SLC9D1: variants seen among roughly 807,000 people sequenced by gnomAD.
SLC9D1 encodes the protein solute carrier family 9 member D1, also known as putative LAG1-interacting protein.
the SLC9D1 span, among the ~76,000 whole-genome samples, chr13:113,506,818 A>G: frequency 6.6e-5 from 10 of 152,166 alleles, no homozygotes; most frequent in African/African-American, 2.2e-4. Flanking sequence ...AATGTTGTAT[A>G]ACGTAAGGTG....
At chr13:113,494,610 G>A in the SLC9D1 span, among the ~76,000 whole-genome samples, 2 of 152,088 alleles carry the variant, frequency 1.3e-5, no homozygotes, top group African/African-American at 4.8e-5. Context: ...GAAGGAGACT[G>A]AATTGGGATG....
the SLC9D1 span, among the ~76,000 whole-genome samples, chr13:113,519,238 G>C: frequency 6.6e-6 from 1 of 151,600 alleles, no homozygotes; most frequent in Non-Finnish European, 1.5e-5. Context: ...AACAGATGGG[G>C]TTTCACCATG....
the SLC9D1 span, among the ~76,000 whole-genome samples, chr13:113,519,347 CTT>C: frequency 8.1e-5 from 11 of 135,978 alleles, no homozygotes; most frequent in Middle Eastern, 3.8e-3. Context: ...CGCCCAGCCG[CTT>C]TTTTTTTTTT....
chr13:113,545,304 C>T, the SLC9D1 span, among the ~76,000 whole-genome samples: 1 of 127,404 alleles, frequency 7.8e-6, no homozygotes, highest in Admixed American at 8.4e-5. Context: ...CGAGCTGGGT[C>T]CACAGTGAAT....
At chr13:113,534,448 A>C in the SLC9D1 span, 1 of 561,970 alleles carries the variant, frequency 1.8e-6, no homozygotes, top group Non-Finnish European at 3.1e-6. Flanking sequence ...TTTGACTCAT[A>C]CTCTTAAGCA....
chr13:113,503,686 A>G, the SLC9D1 span: 4 of 715,150 alleles, frequency 5.6e-6, no homozygotes, highest in East Asian at 2.5e-5. Context: ...TTCACTATCA[A>G]ATGTTTTTAG....
At chr13:113,498,540 C>T in the SLC9D1 span, 2 of 1,555,970 alleles carry the variant, frequency 1.3e-6, no homozygotes, top group South Asian at 1.3e-5. Flanking sequence ...TCCAGAACAG[C>T]TGCTTCTTCA....
the SLC9D1 span, among the ~76,000 whole-genome samples, chr13:113,513,001 C>A: frequency 6.6e-6 from 1 of 152,108 alleles, no homozygotes; most frequent in Non-Finnish European, 1.5e-5. Flanking sequence ...GTTTTCAGAA[C>A]TCGAGACAGG....
chr13:113,540,392 A>G, the SLC9D1 span, among the ~76,000 whole-genome samples: 2 of 152,216 alleles, frequency 1.3e-5, no homozygotes, highest in Non-Finnish European at 2.9e-5. Flanking sequence ...CAACCTCGCC[A>G]GCGTCTGTTG....
At chr13:113,518,028 T>C in the SLC9D1 span, among the ~76,000 whole-genome samples, 2 of 152,260 alleles carry the variant, frequency 1.3e-5, no homozygotes, top group Admixed American at 6.5e-5. Context: ...CTCCTTGTTC[T>C]CTGTATATTT....
At chr13:113,502,201 C>T in the SLC9D1 span, among the ~76,000 whole-genome samples, 1 of 152,072 alleles carries the variant, frequency 6.6e-6, no homozygotes, top group Non-Finnish European at 1.5e-5. Flanking sequence ...TTGCATTAAC[C>T]GTTTTTGTTG....
At chr13:113,516,064 C>G in the SLC9D1 span, among the ~76,000 whole-genome samples, 4 of 151,974 alleles carry the variant, frequency 2.6e-5, no homozygotes, top group Non-Finnish European at 4.4e-5. Context: ...TCATTCTTCC[C>G]AATTTGGACA....
chr13:113,503,357 G>C, the SLC9D1 span: 2 of 508,872 alleles, frequency 3.9e-6, no homozygotes, highest in African/African-American at 2.1e-5. Context: ...GTGTGTGTGT[G>C]TGTGTGTGTG....
chr13:113,491,377 C>G, the SLC9D1 span: 1 of 149,472 alleles, frequency 6.7e-6, no homozygotes, highest in African/African-American at 2.5e-5. Flanking sequence ...GGCTCACCTT[C>G]CCTTCTTCCC....
chr13:113,496,042 G>T, the SLC9D1 span: 1 of 1,127,696 alleles, frequency 8.9e-7, no homozygotes. Context: ...CCTAGAGAGG[G>T]AGAGAGAGAG....
At chr13:113,497,603 T>TGC in the SLC9D1 span, among the ~76,000 whole-genome samples, 508 of 148,314 alleles carry the variant, frequency 3.4e-3, 14 homozygotes, top group African/African-American at 0.012. Context: ...GTGTGAGACC[T>TGC]ACAGCTGTGT....
At chr13:113,504,209 C>T in the SLC9D1 span, 1 of 152,234 alleles carries the variant, frequency 6.6e-6, no homozygotes, top group Non-Finnish European at 1.5e-5. Context: ...ACTGTACACC[C>T]TTTCTGTATT....
chr13:113,510,277 C>T, the SLC9D1 span: 191 of 1,614,224 alleles, frequency 1.2e-4, 2 homozygotes, highest in African/African-American at 2.3e-3. Flanking sequence ...TTACATGACA[C>T]TGTTAATGAT....
At chr13:113,524,577 C>A in the SLC9D1 span, among the ~76,000 whole-genome samples, 1 of 152,200 alleles carries the variant, frequency 6.6e-6, no homozygotes, top group Non-Finnish European at 1.5e-5. Flanking sequence ...CTCAAGTGAT[C>A]TTCCAGCCTC....
Sources: allele counts gnomAD v4.1 joint callset (sites outside exome capture counted in the v4.1 genomes callset), GRCh38; gene constraint gnomAD v4.1.1; transcripts MANE v1.5; gene names NCBI Gene and HGNC (gene_info 2026-07-23, HGNC 2026-07-21).